KALRN: variants seen among roughly 807,000 people sequenced by gnomAD.
The protein encoded by KALRN is kalirin RhoGEF kinase.
In KALRN, 70 loss-of-function variants were observed where a neutral mutation model predicts 353.7. The ratio of observed to expected loss-of-function variants is 0.20; its 90% CI spans 0.16 to 0.24. The LOEUF is 0.24. Ranked by LOEUF, KALRN falls within the 10% of genes least tolerant of loss-of-function variation. KALRN has a pLI of 1.00. For missense variants in KALRN, 2,791 were observed against 3,756.7 expected (o/e 0.74, Z 6.72); for synonymous variants, 1,391 against 1,434.8 (o/e 0.97, Z 0.69).
intron 6 of KALRN, among the ~76,000 whole-genome samples, chr3:124,301,959 G>T (rs2077302683): frequency 6.6e-6 from 1 of 152,184 alleles, no homozygotes; most frequent in Admixed American, 6.5e-5. Context: ...ATAGGCCAAT[G>T]GTTCCTTATG....
chr3:124,263,082 C>T (rs1036132286), intron 3 of KALRN, among the ~76,000 whole-genome samples: 4 of 152,156 alleles, frequency 2.6e-5, no homozygotes, highest in African/African-American at 4.8e-5. Context: ...TTCTGACCTT[C>T]GTTTTTTTTC....
intron 34 of KALRN, among the ~76,000 whole-genome samples, chr3:124,629,031 G>A (rs2080436753): frequency 6.6e-6 from 1 of 152,130 alleles, no homozygotes; most frequent in African/African-American, 2.4e-5. Context: ...CTTCGAGTAG[G>A]TATGAAAAGC....
chr3:124,461,547 C>T (rs999855844), intron 23 of KALRN, among the ~76,000 whole-genome samples: 20 of 151,980 alleles, frequency 1.3e-4, no homozygotes, highest in Non-Finnish European at 1.2e-4. Flanking sequence ...GTTGGTGAGA[C>T]AGAATATGAA....
chr3:124,644,571 G>T (rs549537576), intron 37 of KALRN, among the ~76,000 whole-genome samples: 2 of 152,070 alleles, frequency 1.3e-5, no homozygotes, highest in Non-Finnish European at 2.9e-5. Flanking sequence ...GTGAGAACAT[G>T]CAGTGTTTGG....
chr3:124,576,266 C>G (rs917507042), intron 34 of KALRN, among the ~76,000 whole-genome samples: 4 of 152,058 alleles, frequency 2.6e-5, no homozygotes, highest in Admixed American at 6.6e-5. Flanking sequence ...GCAAATCCCC[C>G]CTACCAATAC....
At chr3:124,502,776 G>C (rs1027925964) in intron 33 of KALRN, among the ~76,000 whole-genome samples, 1 of 152,154 alleles carries the variant, frequency 6.6e-6, no homozygotes, top group Admixed American at 6.5e-5. Context: ...GAGTTTCAAG[G>C]GGCCACAGAC....
intron 34 of KALRN, 73 bp from the exon 35 acceptor site, chr3:124,632,347 A>T (rs2149828980): frequency 7.0e-7 from 1 of 1,433,428 alleles, no homozygotes; most frequent in East Asian, 2.3e-5. Context: ...CTGAGGATGG[A>T]GCTGTCTCAG....
chr3:124,664,370 T>TGTGTGTGTGTGTGTGTGCGCGC (rs370394911), intron 45 of KALRN, among the ~76,000 whole-genome samples: 1 of 129,534 alleles, frequency 7.7e-6, no homozygotes, highest in Non-Finnish European at 1.7e-5. Flanking sequence ...TGTGTGTGTG[T>TGTGTGTGTGTGTGTGTGCGCGC]GCGCGCGCGC....
At chr3:124,120,764 CTATT>C (rs1343017595) in intron 1 of KALRN, among the ~76,000 whole-genome samples, 1 of 138,638 alleles carries the variant, frequency 7.2e-6, no homozygotes, top group African/African-American at 2.9e-5. Flanking sequence ...AATTAGCTAA[CTATT>C]CATTCAATGT....
At chr3:124,236,369 G>A (rs540312994) in intron 3 of KALRN, among the ~76,000 whole-genome samples, 119 of 152,284 alleles carry the variant, frequency 7.8e-4, no homozygotes, top group African/African-American at 2.7e-3. Context: ...ACTCGTGATT[G>A]ATATAGGTAA....
chr3:124,684,092 A>G (rs2061455431), intron 51 of KALRN, among the ~76,000 whole-genome samples: 1 of 152,142 alleles, frequency 6.6e-6, no homozygotes, highest in African/African-American at 2.4e-5. Flanking sequence ...CGCAAACAGA[A>G]ATTCTTTAGT....
intron 33 of KALRN, among the ~76,000 whole-genome samples, chr3:124,517,092 A>G (rs985166424): frequency 6.6e-6 from 1 of 152,186 alleles, no homozygotes; most frequent in Non-Finnish European, 1.5e-5. Context: ...CTAGGATTAC[A>G]GGCGTGAGCC....
At chr3:124,596,925 T>C (rs2076322051) in intron 34 of KALRN, among the ~76,000 whole-genome samples, 1 of 152,120 alleles carries the variant, frequency 6.6e-6, no homozygotes, top group African/African-American at 2.4e-5. Flanking sequence ...GGTGCATGCC[T>C]GTAGTCTCAG....
chr3:124,546,534 G>T (rs534766523), intron 33 of KALRN, among the ~76,000 whole-genome samples: 1 of 152,238 alleles, frequency 6.6e-6, no homozygotes, highest in African/African-American at 2.4e-5. Context: ...ACTTCATATG[G>T]ACTCCAATAT....
At chr3:124,368,521 A>G (rs1310544028) in intron 10 of KALRN, among the ~76,000 whole-genome samples, 121 of 131,308 alleles carry the variant, frequency 9.2e-4, no homozygotes, top group Admixed American at 4.7e-3. Context: ...GGGAAGAGGC[A>G]CTCCTCACTT....
intron 1 of KALRN, among the ~76,000 whole-genome samples, chr3:124,069,436 C>T (rs772018314): frequency 5.9e-5 from 9 of 151,972 alleles, no homozygotes; most frequent in Non-Finnish European, 1.3e-4. Flanking sequence ...TGAGTCGACA[C>T]GTGTCCCTCT....
chr3:124,352,690 T>TTA (rs2082957305), intron 10 of KALRN, among the ~76,000 whole-genome samples: 4 of 151,844 alleles, frequency 2.6e-5, no homozygotes, highest in Admixed American at 2.0e-4. Context: ...TTTTTTTTTT[T>TTA]ATCAAACTTG....
In KALRN at chr3:124,678,228, G is replaced by T. The variant is rs35729834; in HGVS notation, c.7232G>T (p.Arg2411Leu). ...TGGCATACTCTACGCATGAGAAAGC[G>T]GGCGGAAGTGGAGAACACGGGTAAA... ...CSWHTLRMRK[R>L]AEVENTGKNE... Residue 2411 changes from arginine (R) to leucine (L), a missense_variant, in exon 50 of 60, where the codon CGG becomes CTG. This residue lies in a region of KALRN where 1,065 missense variants were observed against 1,156.4 expected (regional missense o/e 0.92). Transcript: ENST00000682506. 3.1e-6 allele frequency: 5 copies of T among 1,613,994 alleles called. No homozygotes were observed. The highest frequency in any genetic ancestry group is 4.2e-6 in the Non-Finnish European group (5 of 1,179,928).
chr3:124,381,913 G>C (rs1188827563), intron 10 of KALRN, among the ~76,000 whole-genome samples: 4 of 152,044 alleles, frequency 2.6e-5, no homozygotes, highest in East Asian at 1.9e-4. Flanking sequence ...GAGTACCCTG[G>C]GTGCAGAAAG....
Sources: allele counts gnomAD v4.1 joint callset (sites outside exome capture counted in the v4.1 genomes callset), GRCh38; gene constraint gnomAD v4.1.1; regional missense constraint gnomAD v4.1.1; transcripts MANE v1.5; gene names NCBI Gene and HGNC (gene_info 2026-07-23, HGNC 2026-07-21).